PCDH11Y: variants seen among roughly 807,000 people sequenced by gnomAD.
PCDH11Y encodes protocadherin 11 Y-linked.
For synonymous variants in PCDH11Y, 9 were observed against 83.6 expected, an observed-to-expected ratio of 0.11 and a Z score of 4.87; for missense variants, 12 against 224.8, an observed-to-expected ratio of 0.05 and a Z score of 6.05.
chrY:5,724,688 A>C (rs1377082746), intron 4 of PCDH11Y, among the ~76,000 whole-genome samples: 10 of 33,749 alleles, frequency 3.0e-4, no homozygotes, highest in Non-Finnish European at 6.6e-4. Flanking sequence ...GTATAAGAGC[A>C]ATATATTAAA....
At chrY:5,152,871 G>A in intron 2 of PCDH11Y, among the ~76,000 whole-genome samples, 1 of 31,913 alleles carries the variant, frequency 3.1e-5, no homozygotes, top group South Asian at 7.2e-4. Flanking sequence ...GTACTAGTCT[G>A]AGCCCTTGAA....
downstream of PCDH11Y, among the ~76,000 whole-genome samples, chrY:5,108,662 G>C: frequency 1.5e-4 from 4 of 27,313 alleles, no homozygotes; most frequent in South Asian, 2.7e-3. Flanking sequence ...CAGGAGAATG[G>C]CACGAACCCG....
chrY:5,454,628 A>T, intron 2 of PCDH11Y, among the ~76,000 whole-genome samples: 1 of 33,582 alleles, frequency 3.0e-5, no homozygotes. Flanking sequence ...TCAAGTCTTG[A>T]CTCAGTGCAC....
intron 2 of PCDH11Y, among the ~76,000 whole-genome samples, chrY:5,308,767 T>C: frequency 3.0e-5 from 1 of 33,490 alleles, no homozygotes; most frequent in Non-Finnish European, 7.4e-5. Flanking sequence ...GTTTTAGTAA[T>C]AGTCTAGTTT....
intron 3 of PCDH11Y, among the ~76,000 whole-genome samples, chrY:5,560,977 G>T (rs2053428177): frequency 3.0e-5 from 1 of 33,660 alleles, no homozygotes; most frequent in Admixed American, 2.7e-4. Flanking sequence ...TATGAAAGCA[G>T]CTGGGAGGGA....
At chrY:5,473,022 A>G (rs2053315545) in intron 2 of PCDH11Y, among the ~76,000 whole-genome samples, 1 of 33,129 alleles carries the variant, frequency 3.0e-5, no homozygotes, top group Non-Finnish European at 7.5e-5. Flanking sequence ...AAGAAAACCA[A>G]TGATGACCAA....
intron 3 of PCDH11Y, among the ~76,000 whole-genome samples, chrY:5,046,455 G>A: frequency 3.0e-5 from 1 of 33,760 alleles, no homozygotes; most frequent in East Asian, 8.0e-4. Context: ...CACTTGAGGA[G>A]GCAGTCTGCG....
chrY:5,428,448 C>G, intron 2 of PCDH11Y, among the ~76,000 whole-genome samples: 2 of 32,941 alleles, frequency 6.1e-5, no homozygotes, highest in Non-Finnish European at 1.5e-4. Flanking sequence ...AGTATCACAT[C>G]TTGTCTCACT....
chrY:5,565,942 GTA>G (rs376402244), intron 3 of PCDH11Y, among the ~76,000 whole-genome samples: 99 of 18,097 alleles, frequency 5.5e-3, no homozygotes, highest in East Asian at 0.045. Context: ...GTGTGTGTGT[GTA>G]TATATATATA....
chrY:5,140,370 T>C (rs2124642298), intron 2 of PCDH11Y, among the ~76,000 whole-genome samples: 1 of 31,251 alleles, frequency 3.2e-5, no homozygotes, highest in East Asian at 8.5e-4. Context: ...AGTAGTTTAT[T>C]TTTGCTGGAA....
chrY:5,486,704 T>TAC (rs2053332404), intron 2 of PCDH11Y, among the ~76,000 whole-genome samples: 3 of 7,434 alleles, frequency 4.0e-4, no homozygotes, highest in African/African-American at 1.6e-3. Context: ...TATATATATA[T>TAC]ACACATATAT....
chrY:5,107,536 G>GAGGACAGGT, downstream of PCDH11Y, among the ~76,000 whole-genome samples: 1 of 32,876 alleles, frequency 3.0e-5, no homozygotes, highest in Non-Finnish European at 7.4e-5. Context: ...ACAAAGGCCA[G>GAGGACAGGT]AGGACAAAAA....
intron 2 of PCDH11Y, among the ~76,000 whole-genome samples, chrY:5,389,602 CAT>C (rs2053219702): frequency 3.1e-5 from 1 of 31,779 alleles, no homozygotes; most frequent in African/African-American, 1.2e-4. Context: ...AGAATTCCCA[CAT>C]GTCATGGGAG....
chrY:5,320,884 G>A (rs2053111981), intron 2 of PCDH11Y, among the ~76,000 whole-genome samples: 1 of 32,559 alleles, frequency 3.1e-5, no homozygotes, highest in African/African-American at 1.2e-4. Context: ...AATATACAAG[G>A]CACTTTGAAC....
chrY:5,615,943 AC>A (rs2053493434), intron 4 of PCDH11Y, among the ~76,000 whole-genome samples: 3 of 33,762 alleles, frequency 8.9e-5, no homozygotes, highest in Non-Finnish European at 2.2e-4. Context: ...TTTATCTTTC[AC>A]TATGAGTCCC....
intron 2 of PCDH11Y, among the ~76,000 whole-genome samples, chrY:5,483,333 G>A: frequency 6.7e-5 from 2 of 29,970 alleles, no homozygotes; most frequent in African/African-American, 1.3e-4. Context: ...ACTTGGGGGT[G>A]GGTGATTTGA....
chrY:5,243,827 A>G, intron 2 of PCDH11Y, among the ~76,000 whole-genome samples: 4 of 31,267 alleles, frequency 1.3e-4, no homozygotes, highest in African/African-American at 5.5e-4. Context: ...CAGCAGGAGG[A>G]GACCCCCTTG....
At chrY:5,712,810 G>A in intron 4 of PCDH11Y, among the ~76,000 whole-genome samples, 1 of 32,221 alleles carries the variant, frequency 3.1e-5, no homozygotes, top group African/African-American at 1.2e-4. Context: ...TACACTAATG[G>A]TGGGCAAGAA....
chrY:5,467,451 TAA>T (rs565603885), intron 2 of PCDH11Y, among the ~76,000 whole-genome samples: 1 of 27,477 alleles, frequency 3.6e-5, no homozygotes, highest in Non-Finnish European at 8.9e-5. Flanking sequence ...TTGCAAATTC[TAA>T]AAAAAAAAAC....
Sources: allele counts gnomAD v4.1 joint callset (sites outside exome capture counted in the v4.1 genomes callset), GRCh38; gene constraint gnomAD v4.1.1; transcripts MANE v1.5; gene names NCBI Gene and HGNC (gene_info 2026-07-23, HGNC 2026-07-21).